Variants in PTCH2 observed in about 807,000 individuals in gnomAD.
PTCH2 encodes protein patched homolog 2.
In PTCH2, 96 loss-of-function variants were observed where a neutral mutation model predicts 117.9. That is an observed-to-expected ratio of 0.81 (90% CI 0.69 to 0.96). The LOEUF (loss-of-function observed/expected upper bound fraction) is 0.96. Ranked by LOEUF, PTCH2 falls within the 50% of genes least tolerant of loss-of-function variation. The pLI is 0.00. For synonymous variants in PTCH2, 615 were observed against 660.9 expected (o/e 0.93, Z 1.06); for missense variants, 1,379 against 1,562.5 (o/e 0.88, Z 1.98).
chr1:44,829,376 G>C, intron 9 of PTCH2, 26 bp downstream of exon 9: 3 of 1,614,048 alleles, frequency 1.9e-6, no homozygotes, highest in Non-Finnish European at 2.5e-6. Context: ...GTGGGGTGGG[G>C]GCAAGGTGCC....
rs187485698 is a variant in PTCH2, at chr1:44,829,149, T to C, written c.1371+8A>G. ...TGGCACTGAGTCTGCCCTGCAGTCCTGGCGTACCTGGGTAGTGGCAGCATT... is the reference window on the plus strand; with the variant it reads ...TGGCACTGAGTCTGCCCTGCAGTCCCGGCGTACCTGGGTAGTGGCAGCATT... On this transcript the variant is annotated splice_region_variant and intron_variant, in intron 10 of 21. Coordinates refer to ENST00000372192, the MANE Select transcript of PTCH2 (RefSeq NM_003738.5). 1.1e-3 allele frequency: 1,836 copies of C among 1,613,816 alleles called. 23 individuals are homozygous for C. The African/African-American group carries it at 0.021, about 19-fold the overall frequency.
At chr1:44,838,487 C>T (rs960735220) in intron 2 of PTCH2, among the ~76,000 whole-genome samples, 5 of 152,162 alleles carry the variant, frequency 3.3e-5, no homozygotes, top group East Asian at 3.9e-4. Flanking sequence ...GTGATCCACC[C>T]GCTTCGGCCT....
rs1483731029 is a variant in PTCH2, at chr1:44,822,232, TG to T, written c.*182del. The T allele has an allele frequency of 1.6e-5, 24 of 1,498,464 alleles. No individual in the cohort carries two copies. In the African/African-American group the frequency reaches 2.8e-4, roughly 17 times the overall value. The allele number at this position is 1,498,464 out of a possible 1,614,324, so 92.8% of individuals were successfully genotyped here. On this transcript the variant is annotated 3_prime_UTR_variant, in exon 22 of 22. Transcript: ENST00000372192. Reference sequence around the variant, plus strand: ...ACACAGATACAGGCTCACACAGGCCTGGATGTGCAAATCGGTGGCTGTTCTG... The same window carrying T: ...ACACAGATACAGGCTCACACAGGCCTGATGTGCAAATCGGTGGCTGTTCTG...
At chr1:44,820,018 A>G (rs1283389586), downstream of PTCH2, 1 of 157,784 alleles carries the variant, frequency 6.3e-6, no homozygotes, top group Non-Finnish European at 1.4e-5. Context: ...TCCGCTTCGA[A>G]CCTCGCAGGG....
In PTCH2 at chr1:44,832,221, G is replaced by C; in HGVS notation, c.386C>G (p.Pro129Arg). The change falls in exon 3 of 22, where the codon CCC becomes CGC. Residue 129 changes from proline (P) to arginine (R), a missense_variant. By Grantham distance (103) the Pro-to-Arg change is moderately radical. Coordinates refer to ENST00000372192, the MANE Select transcript of PTCH2 (RefSeq NM_003738.5). ...CTGGAGGTGGAGGCCAAGTGCTTCG[G>C]GTGTGAGGATGTTCTCTCCCTCCTG... is the stretch of plus-strand genomic sequence containing the variant. ...ARQEGENILT[P>R]EALGLHLQAA... 6.2e-7 allele frequency: 1 copy of C among 1,614,156 alleles called. No individual in the cohort carries two copies. The highest frequency in any genetic ancestry group is 8.5e-7 in the Non-Finnish European group (1 of 1,180,034).
chr1:44,820,027 G>A, downstream of PTCH2: 1 of 160,144 alleles, frequency 6.2e-6, no homozygotes, highest in Non-Finnish European at 1.4e-5. Context: ...AACCTCGCAG[G>A]GAGAACTAAC....
chr1:44,836,341 G>A (rs1439539141), intron 2 of PTCH2, among the ~76,000 whole-genome samples: 1 of 152,198 alleles, frequency 6.6e-6, no homozygotes, highest in Non-Finnish European at 1.5e-5. Flanking sequence ...ATCAGGCATG[G>A]TGGCTCATGC....
At chr1:44,830,060 A>G (rs749328881) in intron 6 of PTCH2, 30 bp from the exon 7 acceptor site, 1 of 1,612,214 alleles carries the variant, frequency 6.2e-7, no homozygotes. Context: ...GTTAATGCTC[A>G]AGGCCCTGGC....
At chr1:44,820,178 G>C (rs746055680), downstream of PTCH2, 1 of 351,902 alleles carries the variant, frequency 2.8e-6, no homozygotes, top group African/African-American at 2.1e-5. Flanking sequence ...AGCATCTTGA[G>C]GGTATCTTTT....
In PTCH2 at chr1:44,826,623, G is replaced by A. The variant is rs757569127; in HGVS notation, c.2841C>T (p.Ser947=). 8.1e-6 allele frequency: 13 copies of A among 1,613,146 alleles called. No individual in the cohort carries two copies. The highest frequency in any genetic ancestry group is 6.7e-5 in the Admixed American group (4 of 60,018). The change falls in exon 18 of 22, where the codon AGC becomes AGT. Residue 947 remains serine, a synonymous_variant. Coordinates refer to ENST00000372192, the MANE Select transcript of PTCH2 (RefSeq NM_003738.5). This position sits in a 1 kb window ranked among gnomAD's most constrained non-coding sequence, Gnocchi z 5.1. ...GTTCCCAGAAGAGGAAGGGGGAGCC[G>A]CTGGGGTAGGCGTGCACCCCAGCCT... ...AGQAGVHAYP[S]GSPFLFWEQY...
intron 2 of PTCH2, among the ~76,000 whole-genome samples, chr1:44,833,636 C>T (rs1279705313): frequency 1.3e-5 from 2 of 151,930 alleles, no homozygotes; most frequent in Non-Finnish European, 2.9e-5. Context: ...GAGGTCTCAT[C>T]ACTATGTTGC....
intron 2 of PTCH2, among the ~76,000 whole-genome samples, chr1:44,834,313 G>T (rs1376445351): frequency 6.6e-6 from 1 of 151,942 alleles, no homozygotes; most frequent in Non-Finnish European, 1.5e-5. Context: ...AGTAGAGATG[G>T]GGTTTCACCC....
Position 44,829,623 on chromosome 1 carries a change from G to C in PTCH2, c.1074C>G (p.Arg358=), listed in dbSNP as rs1218066469. 1 of 1,614,112 alleles carries C rather than the reference G, an allele frequency of 6.2e-7. No individual in the cohort carries two copies. The highest frequency in any genetic ancestry group is 8.5e-7 in the Non-Finnish European group (1 of 1,180,054). Residue 358 remains arginine (R), a synonymous_variant, in exon 8 of 22, where the codon CGC becomes CGG. Coordinates refer to ENST00000372192, the MANE Select transcript of PTCH2 (RefSeq NM_003738.5). The part of the protein sequence containing the change: ...ASTVLQAWQR[R]FVQLAQEALP... The stretch of plus-strand genomic sequence containing the variant: ...CCTTGTCCATACCGACCTGCACAAA[G>C]CGCCGCTGCCAGGCTTGTAGCACTG...
chr1:44,836,970 C>G (rs929370846), intron 2 of PTCH2, among the ~76,000 whole-genome samples: 1 of 152,064 alleles, frequency 6.6e-6, no homozygotes, highest in Non-Finnish European at 1.5e-5. Context: ...AAAACAAAAA[C>G]AAAAAGAAAT....
chr1:44,830,148 G>C (rs1177364290), intron 6 of PTCH2, 118 bp from the exon 7 acceptor site: 5 of 1,393,000 alleles, frequency 3.6e-6, no homozygotes, highest in Non-Finnish European at 4.9e-6. Flanking sequence ...TGGAGTGTAG[G>C]TAACTATTCT....
At chr1:44,824,271 T>C (rs1011886842) in intron 19 of PTCH2, among the ~76,000 whole-genome samples, 3 of 152,210 alleles carry the variant, frequency 2.0e-5, no homozygotes, top group African/African-American at 7.2e-5. Context: ...TTTGTTTGTT[T>C]TCAAGGATCA....
At position 44,843,000 on chromosome 1, in the gene PTCH2, G is replaced by A. The variant is rs1344016137; in HGVS notation, c.-68C>T. On this transcript the variant is annotated 5_prime_UTR_variant, in exon 1 of 22. Transcript: ENST00000372192. ...TCTGGGCGCTCCCATAGGCTAGCCC[G>A]GTCTCCCGGTACCGCTGGGCCCCGC... 6.8e-6 allele frequency: 10 copies of A among 1,467,670 alleles called. No individual in the cohort carries two copies. The African/African-American group carries it at 1.0e-4, about 15-fold the overall frequency. 90.9% of individuals were successfully genotyped at this position (1,467,670 alleles called of 1,614,324 possible).
At chr1:44,840,147 G>A (rs1653879843) in intron 2 of PTCH2, among the ~76,000 whole-genome samples, 1 of 146,958 alleles carries the variant, frequency 6.8e-6, no homozygotes, top group Non-Finnish European at 1.5e-5. Context: ...CTGCTGCCCA[G>A]GCTGGAGTGC....
chr1:44,834,110 C>T (rs1653578152), intron 2 of PTCH2, among the ~76,000 whole-genome samples: 1 of 150,464 alleles, frequency 6.6e-6, no homozygotes, highest in African/African-American at 2.5e-5. Context: ...CCCCACACTG[C>T]CAGTTCCTTC....
Sources: allele counts gnomAD v4.1 joint callset (sites outside exome capture counted in the v4.1 genomes callset), GRCh38; gene constraint gnomAD v4.1.1; non-coding constraint Gnocchi (gnomAD v3.1); transcripts MANE v1.5; gene names NCBI Gene and HGNC (gene_info 2026-07-23, HGNC 2026-07-21).